The following NAALADL2 variants were observed in gnomAD, a reference collection of about 807,000 sequenced individuals.
The protein encoded by NAALADL2 is inactive N-acetylated-alpha-linked acidic dipeptidase-like protein 2.
Under a neutral mutation model 87.2 loss-of-function variants are expected in NAALADL2, and 76 were observed. That is an observed-to-expected ratio of 0.87 (90% CI 0.72 to 1.05). The LOEUF is 1.05. Ranked by LOEUF, NAALADL2 falls within the 50% of genes least tolerant of loss-of-function variation. The pLI is 0.00. For missense variants in NAALADL2, 1,089 were observed against 945.8 expected, an observed-to-expected ratio of 1.15 and a Z score of -1.99; for synonymous variants, 354 against 331.0, an observed-to-expected ratio of 1.07 and a Z score of -0.75.
intron 1 of NAALADL2, among the ~76,000 whole-genome samples, chr3:174,445,069 A>G (rs553482123): frequency 6.6e-6 from 1 of 151,966 alleles, no homozygotes; most frequent in East Asian, 1.9e-4. Context: ...CTTACTATAA[A>G]ACAGGGTTCT....
chr3:175,131,122 CTT>C (rs1727771707), intron 2 of NAALADL2, among the ~76,000 whole-genome samples: 1 of 144,840 alleles, frequency 6.9e-6, no homozygotes, highest in Non-Finnish European at 1.5e-5. Flanking sequence ...TATTTCATCT[CTT>C]TGGTTAAGTT....
chr3:175,578,993 G>C (rs1560790789), intron 10 of NAALADL2, among the ~76,000 whole-genome samples: 1 of 152,198 alleles, frequency 6.6e-6, no homozygotes, highest in East Asian at 1.9e-4. Context: ...GTCACTTATA[G>C]TATCTGTGTG....
intron 11 of NAALADL2, among the ~76,000 whole-genome samples, chr3:175,711,052 T>C (rs1310245185): frequency 6.6e-6 from 1 of 151,974 alleles, no homozygotes; most frequent in Non-Finnish European, 1.5e-5. Context: ...TTATTACTGG[T>C]GTAGCTGTTA....
chr3:175,794,364 A>C (rs1753194093), intron 13 of NAALADL2, among the ~76,000 whole-genome samples: 1 of 136,500 alleles, frequency 7.3e-6, no homozygotes. Context: ...TAAAAACAAG[A>C]AACCAATTAA....
Position 175,698,299 on chromosome 3 carries a change from A to ATATGTGTATATATG in NAALADL2, c.1897-38997_1897-38984dup, listed in dbSNP as rs1429652107. 2.3e-5 allele frequency among the ~76,000 whole-genome samples: 2 copies of ATATGTGTATATATG among 87,124 alleles called. 1 individual carries two copies. Among genetic ancestry groups the ATATGTGTATATATG allele is most frequent in the Non-Finnish European group, 4.1e-5 (2 of 48,384 alleles). 57.2% of individuals were successfully genotyped at this position (87,124 alleles called of 152,430 possible). A position where few individuals can be genotyped will look rare whatever the true frequency, so the allele number is the denominator to read the frequency against. The stretch of plus-strand genomic sequence containing the variant: ...TGTGTATATATGTATGTATACATAT[A>ATATGTGTATATATG]TATGTGTATATATGTATGTGTATTT... On this transcript the variant is annotated intron_variant, in intron 11 of 13. Coordinates refer to ENST00000454872, the MANE Select transcript of NAALADL2 (RefSeq NM_207015.3).
At chr3:174,469,817 A>G (rs908614530) in intron 1 of NAALADL2, among the ~76,000 whole-genome samples, 7 of 152,104 alleles carry the variant, frequency 4.6e-5, no homozygotes, top group Non-Finnish European at 7.4e-5. Flanking sequence ...ATTCTAAGAC[A>G]TATCAGTTCC....
chr3:174,863,554 T>C (rs1190844752), intron 1 of NAALADL2, among the ~76,000 whole-genome samples: 2 of 151,438 alleles, frequency 1.3e-5, no homozygotes, highest in African/African-American at 4.8e-5. Context: ...GAAATGGCAC[T>C]AATTCTATTT....
chr3:175,157,656 T>C (rs183205255), intron 2 of NAALADL2, among the ~76,000 whole-genome samples: 2 of 152,160 alleles, frequency 1.3e-5, no homozygotes, highest in Admixed American at 1.3e-4. Context: ...ACCATCTATA[T>C]AGCCACAAAA....
At chr3:174,957,974 CT>C (rs1265361589) in intron 1 of NAALADL2, among the ~76,000 whole-genome samples, 3 of 151,806 alleles carry the variant, frequency 2.0e-5, no homozygotes, top group African/African-American at 7.3e-5. Context: ...ATGTAGTTTC[CT>C]TTCTCTGGGA....
chr3:174,843,781 G>A (rs373022464), intron 3 of NAALADL2, among the ~76,000 whole-genome samples: 4 of 151,954 alleles, frequency 2.6e-5, no homozygotes, highest in African/African-American at 4.8e-5. Flanking sequence ...GATGAATAGC[G>A]ATGTTGAGTT....
intron 11 of NAALADL2, among the ~76,000 whole-genome samples, chr3:175,667,107 G>A (rs150774110): frequency 1.9e-3 from 272 of 146,872 alleles, no homozygotes; most frequent in African/African-American, 6.4e-3. Context: ...AGGAAGGAAG[G>A]AAGGAAAGAG....
At chr3:174,882,760 T>TGCAC (rs1729513939) in intron 1 of NAALADL2, among the ~76,000 whole-genome samples, 1 of 146,368 alleles carries the variant, frequency 6.8e-6, no homozygotes, top group Non-Finnish European at 1.5e-5. Context: ...CACGTGTATA[T>TGCAC]ATACACACGT....
At chr3:175,742,656 C>T (rs1342766632) in intron 12 of NAALADL2, among the ~76,000 whole-genome samples, 14 of 152,170 alleles carry the variant, frequency 9.2e-5, no homozygotes, top group Non-Finnish European at 1.5e-4. Flanking sequence ...CTTGGCCTCC[C>T]AAAGTACTGG....
chr3:174,754,609 GA>G (rs1194402824), intron 3 of NAALADL2, among the ~76,000 whole-genome samples: 1 of 151,830 alleles, frequency 6.6e-6, no homozygotes, highest in East Asian at 1.9e-4. Context: ...TCATGCCTGG[GA>G]TCAAAGGAAT....
chr3:174,950,918 G>A (rs1316457474), intron 1 of NAALADL2, among the ~76,000 whole-genome samples: 1 of 151,920 alleles, frequency 6.6e-6, no homozygotes, highest in Non-Finnish European at 1.5e-5. Context: ...ATTCATCTAT[G>A]TATCTAGCTA....
intron 9 of NAALADL2, among the ~76,000 whole-genome samples, chr3:175,478,284 T>G (rs1447185436): frequency 6.6e-6 from 1 of 151,904 alleles, no homozygotes; most frequent in Non-Finnish European, 1.5e-5. Flanking sequence ...ATGAACTGAT[T>G]TAAAACCCTT....
chr3:174,921,804 C>CAAAAAAA (rs546555666), intron 1 of NAALADL2, among the ~76,000 whole-genome samples: 3 of 42,256 alleles, frequency 7.1e-5, no homozygotes, highest in Admixed American at 2.8e-4. Context: ...GACTCCGTCT[C>CAAAAAAA]AAAAAAAAAA....
chr3:174,904,047 C>T (rs889620190), intron 1 of NAALADL2, among the ~76,000 whole-genome samples: 2 of 151,390 alleles, frequency 1.3e-5, no homozygotes, highest in Non-Finnish European at 1.5e-5. Context: ...ATATCTATAT[C>T]TCTGAGCTTA....
chr3:174,834,821 T>C (rs926521345), intron 3 of NAALADL2, among the ~76,000 whole-genome samples: 5 of 150,276 alleles, frequency 3.3e-5, no homozygotes, highest in African/African-American at 1.2e-4. Context: ...GCCATGTTTA[T>C]TGGTTAGAAG....
Sources: gnomAD v4.1 joint callset for allele counts (sites outside exome capture counted in the v4.1 genomes callset) on GRCh38, gnomAD v4.1.1 for gene constraint, MANE v1.5 for transcripts, NCBI Gene and HGNC (gene_info 2026-07-23, HGNC 2026-07-21) for gene names.